CRACR2A: variants seen among roughly 807,000 people sequenced by gnomAD.
CRACR2A encodes EF-hand calcium-binding domain-containing protein 4B.
Under a neutral mutation model 90.5 loss-of-function variants are expected in CRACR2A, and 79 were observed. That is an observed-to-expected ratio of 0.87 (90% CI 0.73 to 1.05). The LOEUF is 1.05. Ranked by LOEUF, CRACR2A falls within the 50% of genes least tolerant of loss-of-function variation. CRACR2A has a pLI of 0.00. For synonymous variants in CRACR2A, 338 were observed against 356.7 expected, an observed-to-expected ratio of 0.95 and a Z score of 0.59; for missense variants, 823 against 897.2, an observed-to-expected ratio of 0.92 and a Z score of 1.06.
At chr12:3,679,240 A>ACCCATGTC in intron 5 of CRACR2A, 142 bp from the exon 6 acceptor site, 8 of 784,730 alleles carry the variant, frequency 1.0e-5, no homozygotes, top group East Asian at 2.9e-5. Context: ...AGATCCATGG[A>ACCCATGTC]CATGGGTCCG....
At chr12:3,640,544 G>A in intron 13 of CRACR2A, 2 of 1,248,582 alleles carry the variant, frequency 1.6e-6, no homozygotes, top group South Asian at 1.4e-5. Context: ...CCATTCTGAG[G>A]AACCAACAGG....
intron 3 of CRACR2A, among the ~76,000 whole-genome samples, chr12:3,704,529 T>G (rs746627237): frequency 2.0e-5 from 3 of 152,156 alleles, no homozygotes; most frequent in Non-Finnish European, 4.4e-5. Flanking sequence ...CAAATGTATA[T>G]TAAAACTGAT....
At position 3,666,358 on chromosome 12, in the gene CRACR2A, T is replaced by TGTGTGTGTGTGTGC. The variant is rs758896769; in HGVS notation, c.672-6705_672-6704insGCACACACACACAC. Among the ~76,000 whole-genome samples, 806 of 148,502 alleles carry TGTGTGTGTGTGTGC rather than the reference T, an allele frequency of 5.4e-3. 9 individuals carry two copies. Among genetic ancestry groups the TGTGTGTGTGTGTGC allele is most frequent in the African/African-American group, 0.019 (733 of 39,348 alleles). ...GTGTGTGTGTGTGTGTGTGTGTGCG[T>TGTGTGTGTGTGTGC]GCGTGTGCGCGTGCGCGCGCACGCG... On this transcript the variant is annotated intron_variant, in intron 7 of 19. Transcript: ENST00000440314.
At chr12:3,679,390 G>A (rs557775087) in intron 5 of CRACR2A, among the ~76,000 whole-genome samples, 2 of 152,212 alleles carry the variant, frequency 1.3e-5, no homozygotes, top group African/African-American at 4.8e-5. Context: ...GGCTTAGAAC[G>A]CATCTCCGTT....
chr12:3,682,979 C>A (rs922444703), intron 4 of CRACR2A, among the ~76,000 whole-genome samples: 1 of 152,102 alleles, frequency 6.6e-6, no homozygotes, highest in Non-Finnish European at 1.5e-5. Flanking sequence ...GACAGGGTTT[C>A]ACCATCTTGG....
At position 3,696,773 on chromosome 12, in the gene CRACR2A, T is replaced by C; in HGVS notation, c.227A>G (p.Gln76Arg). The change falls in exon 4 of 20, where the codon CAG becomes CGG. Residue 76 changes from glutamine (Q) to arginine (R), a missense_variant and splice_region_variant. Coordinates refer to ENST00000440314, the MANE Select transcript of CRACR2A (RefSeq NM_001144958.2). ...AGGCCTACCTGGGACCCCACTTACC[T>C]GCATATCCTTCCTGGCGATGAAGCC... ...GKGFIARKDM[Q>R]RLHKELPLSL... The C allele has an allele frequency of 6.2e-7, 1 of 1,614,192 alleles. No individual in the cohort carries two copies. The highest frequency in any genetic ancestry group is 8.5e-7 in the Non-Finnish European group (1 of 1,180,048).
chr12:3,663,579 C>G (rs73047253), intron 7 of CRACR2A, among the ~76,000 whole-genome samples: 12,527 of 152,238 alleles, frequency 0.082, 603 homozygotes, highest in African/African-American at 0.12. Flanking sequence ...CCAACTGTGT[C>G]TCACATGGAT....
intron 2 of CRACR2A, among the ~76,000 whole-genome samples, chr12:3,716,443 A>AAGT (rs1946084110): frequency 1.3e-5 from 2 of 152,228 alleles, no homozygotes; most frequent in Admixed American, 1.3e-4. Flanking sequence ...ACTGAGTGGA[A>AAGT]AGTTTGCTCA....
At chr12:3,679,416 C>T (rs1411807008) in intron 5 of CRACR2A, among the ~76,000 whole-genome samples, 2 of 152,200 alleles carry the variant, frequency 1.3e-5, no homozygotes, top group Non-Finnish European at 2.9e-5. Context: ...CTTCTTTAAG[C>T]AACAAGGCCT....
chr12:3,695,628 G>A (rs1945726690), intron 4 of CRACR2A, among the ~76,000 whole-genome samples: 1 of 152,170 alleles, frequency 6.6e-6, no homozygotes, highest in Non-Finnish European at 1.5e-5. Context: ...GCCTAATGAG[G>A]GTCCCCATTT....
At chr12:3,645,750 A>G (rs1183517826) in intron 11 of CRACR2A, among the ~76,000 whole-genome samples, 2 of 152,228 alleles carry the variant, frequency 1.3e-5, no homozygotes, top group East Asian at 3.9e-4. Context: ...GAGTGGAGAC[A>G]GTGAATGTGA....
intron 3 of CRACR2A, among the ~76,000 whole-genome samples, chr12:3,700,074 A>T (rs1245936853): frequency 1.3e-5 from 2 of 152,208 alleles, no homozygotes; most frequent in East Asian, 3.8e-4. Context: ...ATCCTTAAGC[A>T]GGGGCAGGAC....
At chr12:3,649,499 T>C (rs1289580626) in intron 10 of CRACR2A, among the ~76,000 whole-genome samples, 1 of 152,202 alleles carries the variant, frequency 6.6e-6, no homozygotes, top group Non-Finnish European at 1.5e-5. Flanking sequence ...GGCTTTTCAC[T>C]ATTGGGCACT....
At chr12:3,650,317 T>C (rs979721453) in intron 10 of CRACR2A, among the ~76,000 whole-genome samples, 16 of 152,190 alleles carry the variant, frequency 1.1e-4, no homozygotes, top group South Asian at 2.1e-4. Flanking sequence ...TTTCTTTTTT[T>C]CCCCACTTTA....
At chr12:3,654,451 G>T in intron 9 of CRACR2A, 52 bp from the exon 10 acceptor site, 1 of 1,525,382 alleles carries the variant, frequency 6.6e-7, no homozygotes, top group South Asian at 1.3e-5. Context: ...CCATTTTCAG[G>T]AGGGCCTGCC....
chr12:3,626,494 T>C (rs535713713), intron 17 of CRACR2A, among the ~76,000 whole-genome samples: 1 of 152,360 alleles, frequency 6.6e-6, no homozygotes, highest in African/African-American at 2.4e-5. Flanking sequence ...CAAGGTTTTA[T>C]GGGCTTGGAG....
At chr12:3,707,969 T>A (rs1184985538) in intron 3 of CRACR2A, among the ~76,000 whole-genome samples, 1 of 152,240 alleles carries the variant, frequency 6.6e-6, no homozygotes, top group African/African-American at 2.4e-5. Flanking sequence ...TAGAAGCAGA[T>A]CAGTGTGATG....
At chr12:3,616,888 T>C (rs2137261610) in intron 19 of CRACR2A, 66 bp downstream of exon 19, 1 of 1,286,220 alleles carries the variant, frequency 7.8e-7, no homozygotes, top group South Asian at 1.3e-5. Context: ...GGAAACACGG[T>C]GCCTCCCTGA....
intron 8 of CRACR2A, 130 bp from the exon 9 acceptor site, chr12:3,656,536 G>T: frequency 1.3e-6 from 1 of 752,910 alleles, no homozygotes; most frequent in Non-Finnish European, 2.3e-6. Context: ...TTTTCCCACA[G>T]CACTGCAGGG....
Sources: gnomAD v4.1 joint callset for allele counts (sites outside exome capture counted in the v4.1 genomes callset) on GRCh38, gnomAD v4.1.1 for gene constraint, MANE v1.5 for transcripts, NCBI Gene and HGNC (gene_info 2026-07-23, HGNC 2026-07-21) for gene names.